Variants in DPRX observed in about 807,000 individuals in gnomAD.
DPRX encodes divergent paired-related homeobox.
DPRX carries 11 observed loss-of-function variants against 8.4 expected under a neutral mutation model. The observed-to-expected ratio is 1.31, with a 90% CI of 0.82 to 2.17. The LOEUF (loss-of-function observed/expected upper bound fraction) is 2.17. DPRX is among the 30% of genes most tolerant of loss of function. The pLI is 0.00. For missense variants in DPRX, 211 were observed against 236.7 expected (o/e 0.89, Z 0.71); for synonymous variants, 72 against 87.0 (o/e 0.83, Z 0.96).
the DPRX span, among the ~76,000 whole-genome samples, chr19:53,617,422 G>T: frequency 3.9e-5 from 6 of 151,954 alleles, no homozygotes; most frequent in African/African-American, 1.5e-4. Context: ...GCCAGGCGTG[G>T]TGACACATGT....
chr19:53,630,519 T>C (rs1330600415), upstream of DPRX, among the ~76,000 whole-genome samples: 1 of 152,016 alleles, frequency 6.6e-6, no homozygotes, highest in Non-Finnish European at 1.5e-5. Context: ...GCCACTGCAC[T>C]CCAGGCTGGG....
chr19:53,609,840 C>T, the DPRX span, among the ~76,000 whole-genome samples: 1 of 152,034 alleles, frequency 6.6e-6, no homozygotes, highest in Non-Finnish European at 1.5e-5. Flanking sequence ...CAAAAATTAG[C>T]TGGACGTGGT....
chr19:53,603,033 G>GTA, the DPRX span, among the ~76,000 whole-genome samples: 1 of 147,272 alleles, frequency 6.8e-6, no homozygotes, highest in South Asian at 2.2e-4. Context: ...ATGTGTGTGT[G>GTA]TGTGTATATA....
chr19:53,602,266 G>GT, the DPRX span: 29 of 346,698 alleles, frequency 8.4e-5, no homozygotes, highest in East Asian at 1.7e-3. Context: ...ATATGGGTAT[G>GT]GGTGTGTGTG....
chr19:53,634,438 G>A (rs1329549782), intron 1 of DPRX, 93 bp from the exon 2 acceptor site: 17 of 1,479,720 alleles, frequency 1.1e-5, no homozygotes, highest in East Asian at 6.9e-5. Context: ...TGATCATCAC[G>A]TTGTACCTCA....
upstream of DPRX, among the ~76,000 whole-genome samples, chr19:53,631,828 G>C (rs996265218): frequency 3.4e-4 from 52 of 152,070 alleles, no homozygotes; most frequent in African/African-American, 1.2e-3. Context: ...CCAGGATTCT[G>C]CATTTTAACA....
At chr19:53,636,427 C>A in intron 2 of DPRX, among the ~76,000 whole-genome samples, 169 bp from the exon 3 acceptor site, 2 of 116,026 alleles carry the variant, frequency 1.7e-5, no homozygotes, top group Admixed American at 8.3e-5. Flanking sequence ...AGTTTAAGGG[C>A]CAAAAAAAGG....
chr19:53,622,185 G>T, the DPRX span, among the ~76,000 whole-genome samples: 1 of 152,148 alleles, frequency 6.6e-6, no homozygotes. Context: ...AGATCTCATG[G>T]TATTTATTAG....
At chr19:53,622,181 C>T in the DPRX span, among the ~76,000 whole-genome samples, 1 of 152,176 alleles carries the variant, frequency 6.6e-6, no homozygotes, top group Non-Finnish European at 1.5e-5. Flanking sequence ...AATCAGATCT[C>T]ATGGTATTTA....
the DPRX span, among the ~76,000 whole-genome samples, chr19:53,622,107 C>G: frequency 0.013 from 2,001 of 152,276 alleles, 18 homozygotes; most frequent in Middle Eastern, 0.027. Context: ...ATAATCCATT[C>G]TTTCTCCCAA....
At chr19:53,623,710 G>A in the DPRX span, among the ~76,000 whole-genome samples, 6 of 151,904 alleles carry the variant, frequency 3.9e-5, no homozygotes, top group East Asian at 3.9e-4. Flanking sequence ...TTGGGATTAC[G>A]CTTGCCAAAG....
chr19:53,602,309 T>C, the DPRX span: 210 of 317,334 alleles, frequency 6.6e-4, no homozygotes, highest in African/African-American at 4.3e-3. Context: ...TGTGTGTGTG[T>C]GTGCCAGCCT....
the DPRX span, among the ~76,000 whole-genome samples, chr19:53,617,507 G>T: frequency 6.8e-6 from 1 of 146,174 alleles, no homozygotes; most frequent in Non-Finnish European, 1.5e-5. Flanking sequence ...GCGGTGAGCC[G>T]AGATCGCACC....
At chr19:53,604,026 G>A in the DPRX span, among the ~76,000 whole-genome samples, 1 of 151,976 alleles carries the variant, frequency 6.6e-6, no homozygotes, top group African/African-American at 2.4e-5. Flanking sequence ...GATTACAGGC[G>A]TGAGCCACCG....
upstream of DPRX, among the ~76,000 whole-genome samples, chr19:53,630,735 T>C (rs563959017): frequency 1.3e-5 from 2 of 151,898 alleles, no homozygotes; most frequent in East Asian, 2.0e-4. Flanking sequence ...TTCAAATGGA[T>C]GGAATGGCAA....
In DPRX at chr19:53,635,145, G is replaced by A. The variant is rs150358214; in HGVS notation, c.183+460G>A. On this transcript the variant is annotated intron_variant, in intron 2 of 2. Transcript: ENST00000376650. ...ACAGGTGCACACTACGCCTCCCAAA[G>A]TGTTGGGATTACAAGCATGAGCCCG... 6.5e-3 allele frequency among the ~76,000 whole-genome samples: 996 copies of A among 152,144 alleles called. 7 individuals carry two copies. Among genetic ancestry groups the A allele is most frequent in the Non-Finnish European group, 0.011 (752 of 68,010 alleles).
At chr19:53,629,079 C>T (rs563188336), upstream of DPRX, among the ~76,000 whole-genome samples, 1 of 150,710 alleles carries the variant, frequency 6.6e-6, no homozygotes, top group East Asian at 2.0e-4. Context: ...TTTGGGAGGC[C>T]GAGGCGGGCA....
At chr19:53,602,312 G>GTGTGTGTGTGTGTGTGTGTC in the DPRX span, 1 of 316,102 alleles carries the variant, frequency 3.2e-6, no homozygotes, top group African/African-American at 2.4e-5. Context: ...GTGTGTGTGT[G>GTGTGTGTGTGTGTGTGTGTC]CCAGCCTCCC....
upstream of DPRX, among the ~76,000 whole-genome samples, chr19:53,628,311 C>G (rs2091078739): frequency 6.6e-6 from 1 of 152,226 alleles, no homozygotes; most frequent in Admixed American, 6.6e-5. Flanking sequence ...CCACTGTGCT[C>G]TATCCTGAGC....
Sources: allele counts gnomAD v4.1 joint callset (sites outside exome capture counted in the v4.1 genomes callset), GRCh38; gene constraint gnomAD v4.1.1; transcripts MANE v1.5; gene names NCBI Gene and HGNC (gene_info 2026-07-23, HGNC 2026-07-21).